USH1C: variants seen among roughly 807,000 people sequenced by gnomAD.
USH1C encodes USH1 protein network component harmonin.
In USH1C, 90 loss-of-function variants were observed where a neutral mutation model predicts 119.3. The ratio of observed to expected loss-of-function variants is 0.75; its 90% CI spans 0.64 to 0.90. The LOEUF is 0.90. USH1C is among the 40% of genes least tolerant of loss of function. The pLI is 0.00. For missense variants in USH1C, 1,165 were observed against 1,167.7 expected (o/e 1.00, Z 0.03); for synonymous variants, 465 against 443.3 (o/e 1.05, Z -0.62).
Position 17,498,255 on chromosome 11 carries a change from C to G in USH1C, c.2397G>C (p.Gly799=). The G allele has an allele frequency of 6.2e-7, 1 of 1,614,130 alleles. No homozygotes were observed. Among genetic ancestry groups the G allele is most frequent in the Non-Finnish European group, 8.5e-7 (1 of 1,180,026 alleles). ...TGCCGTTGATTGCCATGATCTCGTC[C>G]CCTTTCACAATGCCACCTGCAGGCA... The part of the protein sequence containing the change: ...AAERHGGIVK[G]DEIMAINGKI... The change falls in exon 24 of 27, where the codon GGG becomes GGC. Residue 799 remains glycine (G), a synonymous_variant. Coordinates refer to ENST00000005226, the MANE Select transcript of USH1C (RefSeq NM_153676.4).
chr11:17,521,497 AGTTGG>A, intron 12 of USH1C, 86 bp from the exon 13 acceptor site: 3 of 1,492,998 alleles, frequency 2.0e-6, no homozygotes, highest in Non-Finnish European at 1.9e-6. Context: ...TTTGGAGAAA[AGTTGG>A]ATTTTTCTCC....
chr11:17,523,690 T>C (rs1011792564), intron 9 of USH1C, among the ~76,000 whole-genome samples: 1 of 152,194 alleles, frequency 6.6e-6, no homozygotes, highest in Non-Finnish European at 1.5e-5. Flanking sequence ...TTCATAACTA[T>C]CTTATCAACT....
At chr11:17,532,214 T>C (rs2133923719) in intron 2 of USH1C, among the ~76,000 whole-genome samples, 1 of 152,336 alleles carries the variant, frequency 6.6e-6, no homozygotes, top group South Asian at 2.1e-4. Context: ...ACACCCTTGC[T>C]TTCATGCCTC....
At position 17,521,001 on chromosome 11, in the gene USH1C, T is replaced by G; in HGVS notation, c.1086-7A>C. 1 of 1,613,942 alleles carries G rather than the reference T, an allele frequency of 6.2e-7. No homozygotes were observed. The highest frequency in any genetic ancestry group is 1.3e-5 in the African/African-American group (1 of 74,986). On this transcript the variant is annotated splice_region_variant and splice_polypyrimidine_tract_variant and intron_variant, in intron 13 of 26. Coordinates refer to ENST00000005226, the MANE Select transcript of USH1C (RefSeq NM_153676.4). ...CTCTTCCTCCTCTACAATCCTAAAA[T>G]GAGACCCCCATGCCTGTTACTGGAG...
chr11:17,527,509 T>A (rs1850759416), intron 4 of USH1C, among the ~76,000 whole-genome samples, 178 bp from the exon 5 acceptor site: 3 of 151,834 alleles, frequency 2.0e-5, no homozygotes, highest in Non-Finnish European at 4.4e-5. Context: ...GGATCCCAGG[T>A]TCAGGTGGCA....
At chr11:17,543,419 C>T (rs965643788) in intron 1 of USH1C, among the ~76,000 whole-genome samples, 1 of 152,136 alleles carries the variant, frequency 6.6e-6, no homozygotes, top group Non-Finnish European at 1.5e-5. Flanking sequence ...ACCACCCACC[C>T]CCCCCAAGCG....
intron 21 of USH1C, 126 bp downstream of exon 21, chr11:17,501,813 G>T (rs931607767): frequency 3.5e-6 from 4 of 1,140,302 alleles, no homozygotes; most frequent in Non-Finnish European, 3.9e-6. Context: ...GCATCACTGG[G>T]GCTCCTCTGT....
chr11:17,504,058 T>A (rs1387586039), intron 20 of USH1C, among the ~76,000 whole-genome samples: 1 of 152,202 alleles, frequency 6.6e-6, no homozygotes, highest in African/African-American at 2.4e-5. Flanking sequence ...AATCCAATGG[T>A]TGGCTCCATG....
At chr11:17,526,883 T>A in intron 6 of USH1C, 73 bp from the exon 7 acceptor site, 5 of 1,591,310 alleles carry the variant, frequency 3.1e-6, no homozygotes, top group Non-Finnish European at 4.3e-6. Flanking sequence ...CACATCCAGA[T>A]CCACCATGTC....
At chr11:17,518,572 G>A (rs1301836290) in intron 14 of USH1C, among the ~76,000 whole-genome samples, 1 of 152,206 alleles carries the variant, frequency 6.6e-6, no homozygotes, top group Non-Finnish European at 1.5e-5. Context: ...CAAAATGTTG[G>A]GGGTCTGCTG....
intron 21 of USH1C, among the ~76,000 whole-genome samples, 176 bp downstream of exon 21, chr11:17,501,763 G>C (rs1367205357): frequency 6.6e-6 from 1 of 152,102 alleles, no homozygotes; most frequent in Non-Finnish European, 1.5e-5. Flanking sequence ...TCACACTGGA[G>C]TGCCCTTTGG....
intron 14 of USH1C, chr11:17,517,592 G>A: frequency 1.0e-6 from 1 of 969,614 alleles, no homozygotes; most frequent in Non-Finnish European, 1.6e-6. Flanking sequence ...TGGGAGCTGT[G>A]AGGTCAGGGG....
intron 1 of USH1C, among the ~76,000 whole-genome samples, chr11:17,543,091 A>T (rs1851539300): frequency 6.6e-6 from 1 of 152,228 alleles, no homozygotes; most frequent in African/African-American, 2.4e-5. Flanking sequence ...CAAAGGGCAC[A>T]GACTGGGTAT....
intron 1 of USH1C, among the ~76,000 whole-genome samples, chr11:17,537,053 C>T (rs753489786): frequency 3.3e-5 from 5 of 152,206 alleles, no homozygotes; most frequent in Non-Finnish European, 5.9e-5. Context: ...ACTCACACCT[C>T]ACTCTTCAGG....
chr11:17,530,840 T>C (rs1850932472), intron 4 of USH1C, among the ~76,000 whole-genome samples: 1 of 152,170 alleles, frequency 6.6e-6, no homozygotes, highest in African/African-American at 2.4e-5. Flanking sequence ...AAACTTCATA[T>C]GCCAGCATCA....
At chr11:17,505,456 C>T (rs982047187) in intron 19 of USH1C, among the ~76,000 whole-genome samples, 3 of 152,268 alleles carry the variant, frequency 2.0e-5, no homozygotes, top group Non-Finnish European at 4.4e-5. Context: ...GGTAACCTCT[C>T]TAAACCTCCC....
chr11:17,530,463 G>A (rs1334369518), intron 4 of USH1C, among the ~76,000 whole-genome samples: 2 of 152,210 alleles, frequency 1.3e-5, no homozygotes, highest in Non-Finnish European at 2.9e-5. Context: ...GGCACGATCC[G>A]TTCAATGCAT....
At chr11:17,515,798 C>G (rs1328395810) in intron 15 of USH1C, among the ~76,000 whole-genome samples, 1 of 152,198 alleles carries the variant, frequency 6.6e-6, no homozygotes, top group Non-Finnish European at 1.5e-5. Flanking sequence ...CTGTCCCAAC[C>G]TGAGGCAGCA....
chr11:17,522,725 G>C, intron 12 of USH1C, 59 bp downstream of exon 12: 1 of 1,611,560 alleles, frequency 6.2e-7, no homozygotes, highest in Non-Finnish European at 8.5e-7. Context: ...AGCAAGCTAG[G>C]TGGGGTCGTG....
Sources: allele counts gnomAD v4.1 joint callset (sites outside exome capture counted in the v4.1 genomes callset), GRCh38; gene constraint gnomAD v4.1.1; transcripts MANE v1.5; gene names NCBI Gene and HGNC (gene_info 2026-07-23, HGNC 2026-07-21).